Variants in EXD2 observed in about 807,000 individuals in gnomAD.
EXD2 encodes exonuclease 3'-5' domain-containing protein 2.
In EXD2, 40 loss-of-function variants were observed where a neutral mutation model predicts 62.5. That is an observed-to-expected ratio of 0.64 (90% CI 0.50 to 0.83). EXD2 has a LOEUF of 0.83. EXD2 is among the 40% of genes least tolerant of loss of function. EXD2 has a pLI of 0.00. For synonymous variants in EXD2, 239 were observed against 291.9 expected (o/e 0.82, Z 1.85); for missense variants, 671 against 761.8 (o/e 0.88, Z 1.40).
chr14:69,197,398 G>A (rs138254286), intron 1 of EXD2, among the ~76,000 whole-genome samples: 32 of 151,170 alleles, frequency 2.1e-4, no homozygotes, highest in African/African-American at 7.5e-4. Context: ...TTGTCTTTTC[G>A]CTGTCTCGAT....
In EXD2 at chr14:69,209,466, C is replaced by T. The variant is rs142795300; in HGVS notation, c.-5C>T. 5 of 1,493,276 alleles carry T rather than the reference C, an allele frequency of 3.3e-6. No homozygotes were observed. Among genetic ancestry groups the T allele is most frequent in the South Asian group, 1.3e-5 (1 of 75,320 alleles). The allele number at this position is 1,493,276 out of a possible 1,614,324, so 92.5% of individuals were successfully genotyped here. Reference sequence around the variant, plus strand: ...ATGCTTTTCTAAAGAGTAGAAAAGTCGAAGATGTCTAGACAGAACTTAGTG... The same window carrying T: ...ATGCTTTTCTAAAGAGTAGAAAAGTTGAAGATGTCTAGACAGAACTTAGTG... On this transcript the variant is annotated 5_prime_UTR_variant, in exon 3 of 10. Coordinates refer to ENST00000685843, the MANE Select transcript of EXD2 (RefSeq NM_001193360.2).
In EXD2 at chr14:69,237,571, C is replaced by G; in HGVS notation, c.1293-4C>G. On this transcript the variant is annotated splice_region_variant and splice_polypyrimidine_tract_variant and intron_variant, in intron 8 of 9. Coordinates refer to ENST00000685843, the MANE Select transcript of EXD2 (RefSeq NM_001193360.2). Reference sequence around the variant, plus strand: ...GCGCTGCTTTCCGGCTGGGCTTGTTCCAGGAAGAACGTGATTCCACATGAG... The same window carrying G: ...GCGCTGCTTTCCGGCTGGGCTTGTTGCAGGAAGAACGTGATTCCACATGAG... The G allele has an allele frequency of 6.2e-7, 1 of 1,613,968 alleles. No individual in the cohort carries two copies. The highest frequency in any genetic ancestry group is 8.5e-7 in the Non-Finnish European group (1 of 1,179,834).
At chr14:69,215,102 A>G (rs1001706921) in intron 3 of EXD2, among the ~76,000 whole-genome samples, 2 of 152,158 alleles carry the variant, frequency 1.3e-5, no homozygotes, top group African/African-American at 4.8e-5. Flanking sequence ...AGCCTGGCCA[A>G]CATGGTGAAA....
At chr14:69,201,093 T>C (rs1371843402) in intron 1 of EXD2, among the ~76,000 whole-genome samples, 1 of 151,974 alleles carries the variant, frequency 6.6e-6, no homozygotes, top group East Asian at 1.9e-4. Flanking sequence ...AAAATCAGTA[T>C]GGAAATTATA....
intron 1 of EXD2, among the ~76,000 whole-genome samples, chr14:69,200,036 C>A (rs1293448260): frequency 6.6e-6 from 1 of 152,112 alleles, no homozygotes; most frequent in Non-Finnish European, 1.5e-5. Context: ...CATTGTGCAG[C>A]AACGTTAGGA....
intron 1 of EXD2, among the ~76,000 whole-genome samples, chr14:69,199,574 CTT>C (rs1206569981): frequency 4.6e-5 from 7 of 151,772 alleles, no homozygotes; most frequent in Non-Finnish European, 7.4e-5. Flanking sequence ...ATGTTTATCT[CTT>C]TATAAGCTCT....
chr14:69,225,421 T>C (rs919772246), intron 3 of EXD2, among the ~76,000 whole-genome samples: 2 of 152,236 alleles, frequency 1.3e-5, no homozygotes, highest in Admixed American at 6.5e-5. Flanking sequence ...CATTGTTCTC[T>C]AAATGAATCA....
At chr14:69,196,712 C>T (rs1458684626) in intron 1 of EXD2, among the ~76,000 whole-genome samples, 2 of 150,902 alleles carry the variant, frequency 1.3e-5, no homozygotes, top group Non-Finnish European at 2.9e-5. Context: ...CAGCCTCAAA[C>T]TCCTGAACTC....
chr14:69,192,766 T>C (rs1328397653), intron 1 of EXD2, among the ~76,000 whole-genome samples: 1 of 152,258 alleles, frequency 6.6e-6, no homozygotes, highest in Non-Finnish European at 1.5e-5. Context: ...GTTTTATGCT[T>C]AAAAACGGGT....
chr14:69,234,843 G>T lies in EXD2; in HGVS notation c.861G>T (p.Val287=). ...WRKVLEKCQG[V]VDIPFRSKGM... ...AAGTCTTGGAAAAATGCCAGGGTGT[G>T]GTCGACATCCCATTTCGAAGCAAAG... The change falls in exon 6 of 10, where the codon GTG becomes GTT. Residue 287 remains valine, a synonymous_variant. Transcript: ENST00000685843. 6.2e-7 allele frequency: 1 copy of T among 1,614,166 alleles called. No individual in the cohort carries two copies. The highest frequency in any genetic ancestry group is 8.5e-7 in the Non-Finnish European group (1 of 1,180,036).
intron 1 of EXD2, among the ~76,000 whole-genome samples, chr14:69,200,397 T>C (rs1415868117): frequency 6.6e-6 from 1 of 152,112 alleles, no homozygotes; most frequent in African/African-American, 2.4e-5. Context: ...CATTGAATTG[T>C]ACACTTAAAA....
intron 2 of EXD2, among the ~76,000 whole-genome samples, chr14:69,207,660 G>C (rs373794510): frequency 2.9e-4 from 44 of 152,256 alleles, no homozygotes; most frequent in African/African-American, 1.0e-3. Flanking sequence ...TGGGTAGCCT[G>C]GTGTGTGCCT....
chr14:69,193,703 AT>A (rs763908185), intron 1 of EXD2, among the ~76,000 whole-genome samples: 1 of 151,976 alleles, frequency 6.6e-6, no homozygotes, highest in South Asian at 2.1e-4. Context: ...AAAGTTTAAA[AT>A]TTTAGGTTTT....
At chr14:69,235,289 G>A (rs1165406369) in intron 6 of EXD2, among the ~76,000 whole-genome samples, 1 of 152,120 alleles carries the variant, frequency 6.6e-6, no homozygotes, top group Non-Finnish European at 1.5e-5. Flanking sequence ...GCTTAGTTCT[G>A]TCATTGACCC....
intron 8 of EXD2, 127 bp from the exon 9 acceptor site, chr14:69,237,448 G>C: frequency 1.3e-6 from 1 of 777,798 alleles, no homozygotes; most frequent in Non-Finnish European, 2.2e-6. Flanking sequence ...TCTGTGTTGG[G>C]CGGTGGTGCC....
chr14:69,225,422 A>G (rs1415894081), intron 3 of EXD2, among the ~76,000 whole-genome samples: 1 of 152,228 alleles, frequency 6.6e-6, no homozygotes. Context: ...ATTGTTCTCT[A>G]AATGAATCAC....
intron 1 of EXD2, among the ~76,000 whole-genome samples, chr14:69,197,181 A>G (rs1221761327): frequency 2.0e-5 from 3 of 152,192 alleles, no homozygotes; most frequent in Admixed American, 6.6e-5. Context: ...TGATTGCATC[A>G]CTGCACTGCA....
intron 4 of EXD2, among the ~76,000 whole-genome samples, chr14:69,229,294 T>C (rs747017065): frequency 9.9e-5 from 15 of 152,242 alleles, no homozygotes; most frequent in Non-Finnish European, 2.1e-4. Context: ...GGGATCTCTG[T>C]AAGCTACAGG....
Position 69,237,935 on chromosome 14 carries a change from C to A in EXD2, c.1649+4C>A. 2.6e-6 allele frequency: 4 copies of A among 1,544,900 alleles called. No individual in the cohort carries two copies. The highest frequency in any genetic ancestry group is 2.6e-5 in the South Asian group (2 of 78,160). ...AGGCTGCCAGCCTGGAGACCAGGTACAAAGCACAGGAATTGTGGAATGTAC... is the reference window on the plus strand; with the variant it reads ...AGGCTGCCAGCCTGGAGACCAGGTAAAAAGCACAGGAATTGTGGAATGTAC... On this transcript the variant is annotated splice_donor_region_variant and intron_variant, in intron 9 of 9. Coordinates refer to ENST00000685843, the MANE Select transcript of EXD2 (RefSeq NM_001193360.2).
Sources: gnomAD v4.1 joint callset for allele counts (sites outside exome capture counted in the v4.1 genomes callset) on GRCh38, gnomAD v4.1.1 for gene constraint, MANE v1.5 for transcripts, NCBI Gene and HGNC (gene_info 2026-07-23, HGNC 2026-07-21) for gene names.